Variants in EFNA5 observed in about 807,000 individuals in gnomAD.
EFNA5 encodes the protein ephrin-A5.
A neutral mutation model predicts 22.9 loss-of-function variants in EFNA5; 5 were observed. That is an observed-to-expected ratio of 0.22 (90% CI 0.11 to 0.46). The LOEUF (loss-of-function observed/expected upper bound fraction) is 0.46, where lower values mean the gene tolerates loss of function less well. Ranked by LOEUF, EFNA5 falls within the 20% of genes least tolerant of loss-of-function variation. The pLI is 0.99. For synonymous variants in EFNA5, 113 were observed against 112.2 expected (o/e 1.01, Z -0.04); for missense variants, 237 against 293.3 (o/e 0.81, Z 1.40).
intron 1 of EFNA5, among the ~76,000 whole-genome samples, chr5:107,553,996 A>G (rs1187800314): frequency 6.6e-6 from 1 of 152,170 alleles, no homozygotes; most frequent in Non-Finnish European, 1.5e-5. Flanking sequence ...GGATGTGAAA[A>G]TATCTGATAC....
chr5:107,530,373 A>G (rs181305855), intron 1 of EFNA5, among the ~76,000 whole-genome samples: 1 of 152,204 alleles, frequency 6.6e-6, no homozygotes, highest in African/African-American at 2.4e-5. Context: ...AGCTAATCAC[A>G]TAGCCACGCC....
intron 1 of EFNA5, among the ~76,000 whole-genome samples, chr5:107,578,877 T>A (rs1748982625): frequency 6.6e-6 from 1 of 152,232 alleles, no homozygotes. Flanking sequence ...GCCCAGTGCC[T>A]AAGACCCCAG....
chr5:107,495,873 G>A (rs27681), intron 1 of EFNA5, among the ~76,000 whole-genome samples: 37,847 of 151,972 alleles, frequency 0.25, 5,001 homozygotes, highest in South Asian at 0.41. Flanking sequence ...TTCCAGAACA[G>A]CCTATCAGGA....
At chr5:107,382,438 T>C (rs1232505452) in intron 4 of EFNA5, among the ~76,000 whole-genome samples, 1 of 152,034 alleles carries the variant, frequency 6.6e-6, no homozygotes, top group Non-Finnish European at 1.5e-5. Flanking sequence ...AGTGGCCCAA[T>C]CATAGCTCAC....
intron 1 of EFNA5, among the ~76,000 whole-genome samples, chr5:107,442,522 A>G (rs1749282523): frequency 6.6e-6 from 1 of 152,204 alleles, no homozygotes; most frequent in African/African-American, 2.4e-5. Flanking sequence ...TAGAAAATGT[A>G]GCTTATGTTT....
At chr5:107,546,143 A>G (rs1277248033) in intron 1 of EFNA5, among the ~76,000 whole-genome samples, 1 of 152,198 alleles carries the variant, frequency 6.6e-6, no homozygotes, top group African/African-American at 2.4e-5. Context: ...AGAAGTGAGA[A>G]GCAGAAAAAG....
At chr5:107,589,959 T>C (rs1459743080) in intron 1 of EFNA5, among the ~76,000 whole-genome samples, 2 of 152,224 alleles carry the variant, frequency 1.3e-5, no homozygotes, top group African/African-American at 4.8e-5. Flanking sequence ...TTCTCAAGAA[T>C]GAATAGCTAT....
rs550744664 is a variant in EFNA5 at position 107,465,144 on chromosome 5, C to T, written c.126-37635G>A. ...TCCTTAGGCCAATGGTTACCAACAG[C>T]GACAGCAAAGCTTTTCATTTTCAAG... On this transcript the variant is annotated intron_variant, in intron 1 of 4. Transcript: ENST00000333274. Among the ~76,000 whole-genome samples, 23 of 151,950 alleles carry T rather than the reference C, an allele frequency of 1.5e-4. No homozygotes were observed. The South Asian group carries it at 2.1e-3, about 14-fold the overall frequency.
intron 2 of EFNA5, among the ~76,000 whole-genome samples, chr5:107,413,501 T>C (rs1748424713): frequency 6.6e-6 from 1 of 152,174 alleles, no homozygotes; most frequent in Non-Finnish European, 1.5e-5. Context: ...TCATGTCATA[T>C]AAATAGAATA....
At chr5:107,535,002 G>A (rs1249659528) in intron 1 of EFNA5, among the ~76,000 whole-genome samples, 1 of 152,144 alleles carries the variant, frequency 6.6e-6, no homozygotes, top group East Asian at 1.9e-4. Flanking sequence ...TTTTTGGTGT[G>A]AAAAATATGA....
At chr5:107,465,993 T>G (rs1414145133) in intron 1 of EFNA5, among the ~76,000 whole-genome samples, 1 of 152,086 alleles carries the variant, frequency 6.6e-6, no homozygotes, top group African/African-American at 2.4e-5. Context: ...TTTTCAGCTC[T>G]CACTCATAGG....
At chr5:107,559,056 T>A (rs1430713953) in intron 1 of EFNA5, among the ~76,000 whole-genome samples, 1 of 152,130 alleles carries the variant, frequency 6.6e-6, no homozygotes, top group Non-Finnish European at 1.5e-5. Context: ...GAAGGGATGT[T>A]TGAGATAATC....
chr5:107,431,118 AGAT>A (rs1314141054), intron 1 of EFNA5, among the ~76,000 whole-genome samples: 2 of 152,196 alleles, frequency 1.3e-5, no homozygotes, highest in African/African-American at 4.8e-5. Context: ...GACGAAGAAA[AGAT>A]GATGATTCAC....
At chr5:107,601,246 T>A (rs147976513) in intron 1 of EFNA5, among the ~76,000 whole-genome samples, 1 of 152,372 alleles carries the variant, frequency 6.6e-6, no homozygotes, top group East Asian at 1.9e-4. Flanking sequence ...TTTGGCCGCA[T>A]TGGCAAAGAA....
chr5:107,399,495 G>C, intron 2 of EFNA5, among the ~76,000 whole-genome samples: 1 of 152,298 alleles, frequency 6.6e-6, no homozygotes, highest in East Asian at 1.9e-4. Flanking sequence ...ATGATAGCTT[G>C]GGTACAGGTT....
In EFNA5 at chr5:107,424,960, G is replaced by A. The variant is rs545182073; in HGVS notation, c.418+2257C>T. ...CCAAGCCACTGTGCTTCTTGTTAAT[G>A]AACATCTTTTTGCTGCTAATTTTGT... On this transcript the variant is annotated intron_variant, in intron 2 of 4. Coordinates refer to ENST00000333274, the MANE Select transcript of EFNA5 (RefSeq NM_001962.3). Among the ~76,000 whole-genome samples, 75 of 152,218 alleles carry A rather than the reference G, an allele frequency of 4.9e-4. 1 individual carries two copies. Among genetic ancestry groups the A allele is most frequent in the Middle Eastern group, 3.4e-3 (1 of 294 alleles).
chr5:107,548,118 A>C (rs1486209151), intron 1 of EFNA5, among the ~76,000 whole-genome samples: 1 of 152,224 alleles, frequency 6.6e-6, no homozygotes, highest in Admixed American at 6.5e-5. Flanking sequence ...AATGACGACA[A>C]TGAGGTCCAG....
chr5:107,609,972 T>A (rs964329866), intron 1 of EFNA5, among the ~76,000 whole-genome samples: 1 of 152,164 alleles, frequency 6.6e-6, no homozygotes, highest in Non-Finnish European at 1.5e-5. Context: ...ACCTCTCATT[T>A]AAGAATGAGA....
intron 1 of EFNA5, among the ~76,000 whole-genome samples, chr5:107,456,194 T>C (rs1429705352): frequency 6.6e-6 from 1 of 152,120 alleles, no homozygotes; most frequent in African/African-American, 2.4e-5. Context: ...AAAGGAGGTG[T>C]CCATATATAT....
Sources: allele counts gnomAD v4.1 joint callset (sites outside exome capture counted in the v4.1 genomes callset), GRCh38; gene constraint gnomAD v4.1.1; transcripts MANE v1.5; gene names NCBI Gene and HGNC (gene_info 2026-07-23, HGNC 2026-07-21).